The following KCND2 variants were observed in gnomAD, a reference collection of about 807,000 sequenced individuals.
KCND2 encodes the protein potassium voltage-gated channel subfamily D member 2, also known as A-type voltage-gated potassium channel KCND2.
In KCND2, 16 loss-of-function variants were observed where a neutral mutation model predicts 54.4. That is an observed-to-expected ratio of 0.29 (90% CI 0.20 to 0.45). KCND2 has a LOEUF of 0.45. KCND2 is among the 20% of genes least tolerant of loss of function. The pLI is 1.00. For missense variants in KCND2, 486 were observed against 824.2 expected, an observed-to-expected ratio of 0.59 and a Z score of 5.02; for synonymous variants, 317 against 310.7, an observed-to-expected ratio of 1.02 and a Z score of -0.21.
chr7:120,641,842 A>G (rs943061750), intron 1 of KCND2, among the ~76,000 whole-genome samples: 25 of 146,538 alleles, frequency 1.7e-4, no homozygotes, highest in African/African-American at 5.8e-4. Flanking sequence ...TGTGTTATGA[A>G]GCATAAAAAG....
intron 1 of KCND2, among the ~76,000 whole-genome samples, chr7:120,612,773 AC>A (rs1562887949): frequency 6.6e-6 from 1 of 152,196 alleles, no homozygotes; most frequent in Non-Finnish European, 1.5e-5. Context: ...GTTTTATTGT[AC>A]TAAGAAAATT....
At chr7:120,721,362 T>C (rs1336443778) in intron 1 of KCND2, among the ~76,000 whole-genome samples, 1 of 152,228 alleles carries the variant, frequency 6.6e-6, no homozygotes, top group Non-Finnish European at 1.5e-5. Flanking sequence ...CAATCGGTGC[T>C]TTAATCTCCT....
chr7:120,485,503 A>G (rs574004104), intron 1 of KCND2, among the ~76,000 whole-genome samples: 20 of 152,192 alleles, frequency 1.3e-4, no homozygotes, highest in Non-Finnish European at 2.5e-4. Flanking sequence ...AAAGAAGATA[A>G]AAGTGTAGTC....
chr7:120,636,333 T>C (rs1793304645), intron 1 of KCND2, among the ~76,000 whole-genome samples: 1 of 152,050 alleles, frequency 6.6e-6, no homozygotes, highest in Admixed American at 6.6e-5. Flanking sequence ...AGGAAGAACT[T>C]GAGCTAGTTG....
intron 1 of KCND2, among the ~76,000 whole-genome samples, chr7:120,570,806 C>T (rs1217739216): frequency 6.6e-6 from 1 of 152,182 alleles, no homozygotes; most frequent in East Asian, 1.9e-4. Flanking sequence ...GTATTTTTCT[C>T]ACAAACATAA....
intron 1 of KCND2, among the ~76,000 whole-genome samples, chr7:120,382,588 T>G (rs1800930169): frequency 6.6e-6 from 1 of 151,874 alleles, no homozygotes; most frequent in African/African-American, 2.4e-5. Context: ...CTTACCTTTT[T>G]GTAATGCTAA....
intron 1 of KCND2, among the ~76,000 whole-genome samples, chr7:120,454,559 A>G (rs1802166405): frequency 6.6e-6 from 1 of 152,162 alleles, no homozygotes; most frequent in African/African-American, 2.4e-5. Context: ...AATCAGTAAT[A>G]AAAAGCTTAC....
At position 120,745,990 on chromosome 7, in the gene KCND2, C is replaced by A; in HGVS notation, c.1678C>A (p.Gln560Lys). 3 of 1,613,740 alleles carry A rather than the reference C, an allele frequency of 1.9e-6. No homozygotes were observed. Among genetic ancestry groups the A allele is most frequent in the Admixed American group, 1.7e-5 (1 of 59,968 alleles). Reference protein sequence around the residue: ...QGSIQELSTIQIRCVERTPLS... With the variant: ...QGSIQELSTIKIRCVERTPLS... The stretch of plus-strand genomic sequence containing the variant: ...TAGTATACAAGAACTCAGCACGATT[C>A]AGATCAGATGTGTGGAGAGAACACC... Residue 560 changes from glutamine to lysine, a missense_variant, in exon 5 of 6, where the codon CAG becomes AAG. By Grantham distance (53) the Gln-to-Lys change is moderately conservative. This residue lies in a region of KCND2 where 202 missense variants were observed against 252.7 expected (regional missense o/e 0.80). Coordinates refer to ENST00000331113, the MANE Select transcript of KCND2 (RefSeq NM_012281.3).
chr7:120,444,782 A>G (rs1801995578), intron 1 of KCND2, among the ~76,000 whole-genome samples: 2 of 152,288 alleles, frequency 1.3e-5, no homozygotes, highest in African/African-American at 4.8e-5. Context: ...ATGAAATGCC[A>G]GGAAAAGTTT....
chr7:120,544,206 A>G (rs928127990), intron 1 of KCND2, among the ~76,000 whole-genome samples: 7 of 151,960 alleles, frequency 4.6e-5, no homozygotes, highest in African/African-American at 1.7e-4. Flanking sequence ...AGTTGAGGTT[A>G]TATGTTAAGG....
chr7:120,489,607 A>G (rs1346098509), intron 1 of KCND2, among the ~76,000 whole-genome samples: 1 of 152,124 alleles, frequency 6.6e-6, no homozygotes, highest in Non-Finnish European at 1.5e-5. Context: ...TTCATATTGC[A>G]TTTACAGAGA....
intron 1 of KCND2, among the ~76,000 whole-genome samples, chr7:120,635,809 T>C (rs1269218907): frequency 6.6e-6 from 1 of 152,174 alleles, no homozygotes; most frequent in Non-Finnish European, 1.5e-5. Context: ...TATCTTTGAC[T>C]TTGAAAATAA....
rs1048235364 is a variant in KCND2, at chr7:120,750,237, T to C, written c.*2379T>C. 1 of 152,382 alleles carries C rather than the reference T, an allele frequency of 6.6e-6. No individual in the cohort carries two copies. The highest frequency in any genetic ancestry group is 2.4e-5 in the African/African-American group (1 of 41,426). 9.4% of individuals were successfully genotyped at this position (152,382 alleles called of 1,614,324 possible). A position where few individuals can be genotyped will look rare whatever the true frequency, so the allele number is the denominator to read the frequency against. ...GACAATTTTGTTTGAAATTCATATATCTTATTTCAAAGGATAGCATAATAT... is the reference window on the plus strand; with the variant it reads ...GACAATTTTGTTTGAAATTCATATACCTTATTTCAAAGGATAGCATAATAT... On this transcript the variant is annotated 3_prime_UTR_variant, in exon 6 of 6. Coordinates refer to ENST00000331113, the MANE Select transcript of KCND2 (RefSeq NM_012281.3).
intron 1 of KCND2, among the ~76,000 whole-genome samples, chr7:120,559,681 T>A (rs756996223): frequency 1.3e-5 from 2 of 152,204 alleles, no homozygotes; most frequent in African/African-American, 2.4e-5. Context: ...TATTGGATAA[T>A]TATTACAATA....
intron 1 of KCND2, among the ~76,000 whole-genome samples, chr7:120,484,904 G>A (rs12536754): frequency 0.13 from 19,140 of 152,098 alleles, 1,760 homozygotes; most frequent in East Asian, 0.49. Context: ...TTAAGAGACA[G>A]GGTCTTGCTT....
chr7:120,424,327 T>C (rs191127515), intron 1 of KCND2, among the ~76,000 whole-genome samples: 104 of 152,286 alleles, frequency 6.8e-4, no homozygotes, highest in African/African-American at 2.3e-3. Flanking sequence ...CTTGATAGAA[T>C]TGAACTAAAA....
At chr7:120,544,010 C>T (rs889910513) in intron 1 of KCND2, among the ~76,000 whole-genome samples, 3 of 151,914 alleles carry the variant, frequency 2.0e-5, no homozygotes, top group African/African-American at 7.3e-5. Context: ...CTACATGACT[C>T]CTGAGAAAGC....
chr7:120,325,985 A>G (rs1349660070), intron 1 of KCND2, among the ~76,000 whole-genome samples: 1 of 152,096 alleles, frequency 6.6e-6, no homozygotes, highest in East Asian at 1.9e-4. Flanking sequence ...TAATTGTACA[A>G]ATTGATTTTT....
chr7:120,660,418 A>G (rs1338559641), intron 1 of KCND2, among the ~76,000 whole-genome samples: 1 of 152,242 alleles, frequency 6.6e-6, no homozygotes, highest in Non-Finnish European at 1.5e-5. Context: ...ATCTTCAATT[A>G]AGAACGGATC....
Sources: allele counts gnomAD v4.1 joint callset (sites outside exome capture counted in the v4.1 genomes callset), GRCh38; gene constraint gnomAD v4.1.1; regional missense constraint gnomAD v4.1.1; transcripts MANE v1.5; gene names NCBI Gene and HGNC (gene_info 2026-07-23, HGNC 2026-07-21).